TMOD3: variants seen among roughly 807,000 people sequenced by gnomAD.
TMOD3 encodes tropomodulin-3.
In TMOD3, 20 loss-of-function variants were observed where a neutral mutation model predicts 39.2. That is an observed-to-expected ratio of 0.51 (90% CI 0.36 to 0.74). TMOD3 has a LOEUF of 0.74. Among genes scored for constraint, TMOD3 ranks in the 30% least tolerant of loss-of-function variants. The pLI, the probability that TMOD3 is intolerant of heterozygous loss-of-function variation, is 0.00. For missense variants in TMOD3, 381 were observed against 412.8 expected, an observed-to-expected ratio of 0.92 and a Z score of 0.67; for synonymous variants, 143 against 145.8, an observed-to-expected ratio of 0.98 and a Z score of 0.14.
rs536475788 is a variant in TMOD3, at chr15:51,841,397, T to G, written c.-75+11561T>G. On this transcript the variant is annotated intron_variant, in intron 1 of 9. Coordinates refer to ENST00000308580, the MANE Select transcript of TMOD3 (RefSeq NM_014547.5). ...GATATATTATCCTGAACTCCTGTTTTGGGTCCTTCTAAGCTCTCAGCAACC... is the reference window on the plus strand; with the variant it reads ...GATATATTATCCTGAACTCCTGTTTGGGGTCCTTCTAAGCTCTCAGCAACC... Among the ~76,000 whole-genome samples the G allele has an allele frequency of 3.3e-5, 5 of 152,342 alleles. No homozygotes were observed. In the East Asian group the frequency reaches 9.6e-4, roughly 29 times the overall value.
chr15:51,844,216 C>T (rs913037421), intron 1 of TMOD3, among the ~76,000 whole-genome samples: 1 of 152,152 alleles, frequency 6.6e-6, no homozygotes, highest in African/African-American at 2.4e-5. Flanking sequence ...TCTTGTGGAT[C>T]CTTCCAGAGT....
chr15:51,840,241 C>T (rs1029379315), intron 1 of TMOD3, among the ~76,000 whole-genome samples: 1 of 152,162 alleles, frequency 6.6e-6, no homozygotes, highest in African/African-American at 2.4e-5. Context: ...TCTCACTCTT[C>T]TGTATTCTCT....
chr15:51,832,734 G>A (rs1285205124), intron 1 of TMOD3, among the ~76,000 whole-genome samples: 14 of 152,034 alleles, frequency 9.2e-5, no homozygotes, highest in Admixed American at 7.2e-4. Flanking sequence ...GAGGCTTTGC[G>A]GATAAAAGTA....
intron 1 of TMOD3, chr15:51,859,682 A>G (rs867925065): frequency 6.2e-6 from 3 of 485,622 alleles, no homozygotes; most frequent in African/African-American, 4.0e-5. Context: ...CTGGAGTTTC[A>G]GGTGCACAGA....
chr15:51,885,295 T>C (rs1352760475), intron 3 of TMOD3, among the ~76,000 whole-genome samples: 2 of 150,806 alleles, frequency 1.3e-5, no homozygotes, highest in Admixed American at 1.3e-4. Context: ...TTTTTTTTTT[T>C]TTTTTTTAGT....
chr15:51,833,350 G>A (rs1346979643), intron 1 of TMOD3: 1 of 152,198 alleles, frequency 6.6e-6, no homozygotes, highest in Admixed American at 6.5e-5. Flanking sequence ...TTGTTAGTCT[G>A]TATCTTGAAG....
chr15:51,872,551 C>T (rs2929423), intron 3 of TMOD3, among the ~76,000 whole-genome samples: 53,838 of 150,256 alleles, frequency 0.36, 10,148 homozygotes, highest in Middle Eastern at 0.42. Context: ...ACATACATTC[C>T]GGGCATCTGG....
At chr15:51,892,181 G>A (rs748419806) in intron 5 of TMOD3, among the ~76,000 whole-genome samples, 2 of 152,142 alleles carry the variant, frequency 1.3e-5, no homozygotes, top group African/African-American at 4.8e-5. Flanking sequence ...CTAGAGGAAG[G>A]CAGGAAGGAA....
chr15:51,895,125 G>T (rs1201083296), intron 6 of TMOD3, among the ~76,000 whole-genome samples: 1 of 152,074 alleles, frequency 6.6e-6, no homozygotes, highest in Non-Finnish European at 1.5e-5. Context: ...CCTAGGGAAG[G>T]AAGCTTCTGT....
intron 8 of TMOD3, 55 bp downstream of exon 8, chr15:51,900,353 G>C: frequency 6.3e-7 from 1 of 1,588,722 alleles, no homozygotes; most frequent in Non-Finnish European, 8.6e-7. Flanking sequence ...CTGCTGTGTA[G>C]GGCTTGGCGA....
rs1205716804 is a variant in TMOD3 at position 51,887,703 on chromosome 15, A to T, written c.398A>T (p.Asp133Val). 1 of 1,613,390 alleles carries T rather than the reference A, an allele frequency of 6.2e-7. No individual in the cohort carries two copies. The highest frequency in any genetic ancestry group is 8.5e-7 in the Non-Finnish European group (1 of 1,179,860). Residue 133 changes from aspartate to valine, a missense_variant, in exon 4 of 10, where the codon GAC (aspartate) becomes GTC (valine). By Grantham distance (152) the Asp-to-Val change is radical. Coordinates refer to ENST00000308580, the MANE Select transcript of TMOD3 (RefSeq NM_014547.5). ...LTSASDTELC[D>V]LAAILGMHNL... ...AGTGCTTCTGATACAGAATTGTGTG[A>T]CCTCGCAGGTATCACCTAAAACAAG...
intron 3 of TMOD3, among the ~76,000 whole-genome samples, chr15:51,885,876 C>T (rs934054596): frequency 6.7e-5 from 10 of 149,028 alleles, no homozygotes; most frequent in African/African-American, 1.8e-4. Context: ...CGGGCAGAGG[C>T]GCCCCCCACC....
intron 5 of TMOD3, among the ~76,000 whole-genome samples, chr15:51,889,379 A>C (rs2056581099): frequency 1.3e-5 from 2 of 152,128 alleles, no homozygotes; most frequent in South Asian, 4.1e-4. Flanking sequence ...AATAATGCTA[A>C]ACAGTATAAA....
In TMOD3 at chr15:51,909,695, A is replaced by G. The variant is rs2056700421; in HGVS notation, c.*885A>G. On this transcript the variant is annotated 3_prime_UTR_variant, in exon 10 of 10. Transcript: ENST00000308580. ...TGAAATCAAAGATAATAAATATGAT[A>G]GATTTCCAGTATGAGGCACTTGCAA... The G allele has an allele frequency of 6.6e-6, 1 of 152,210 alleles. No individual in the cohort carries two copies. Among genetic ancestry groups the G allele is most frequent in the African/African-American group, 2.4e-5 (1 of 41,462 alleles). The allele number at this position is 152,210 out of a possible 1,614,324, so 9.4% of individuals were successfully genotyped here. A position where few individuals can be genotyped will look rare whatever the true frequency, so the allele number is the denominator to read the frequency against.
intron 8 of TMOD3, among the ~76,000 whole-genome samples, chr15:51,900,759 A>T (rs2056646027): frequency 6.6e-6 from 1 of 152,222 alleles, no homozygotes; most frequent in Admixed American, 6.5e-5. Context: ...TTCAAAGTAA[A>T]TACATTTTGT....
intron 1 of TMOD3, among the ~76,000 whole-genome samples, chr15:51,861,833 A>G (rs1353162144): frequency 1.3e-5 from 2 of 151,588 alleles, no homozygotes; most frequent in African/African-American, 4.9e-5. Flanking sequence ...GATGTTTTGT[A>G]TTTTTCACCA....
intron 7 of TMOD3, among the ~76,000 whole-genome samples, chr15:51,897,834 C>T (rs1175272546): frequency 2.0e-5 from 3 of 150,022 alleles, no homozygotes; most frequent in Non-Finnish European, 4.4e-5. Flanking sequence ...ACATCCCTTT[C>T]TTGCAACTTA....
intron 1 of TMOD3, among the ~76,000 whole-genome samples, chr15:51,841,072 T>A (rs1037083956): frequency 6.6e-6 from 1 of 152,206 alleles, no homozygotes; most frequent in Non-Finnish European, 1.5e-5. Flanking sequence ...TTGAGCAGGC[T>A]CTTAGCCTTT....
chr15:51,884,656 A>G (rs1595905068), intron 3 of TMOD3: 2 of 152,354 alleles, frequency 1.3e-5, no homozygotes, highest in South Asian at 2.1e-4. Flanking sequence ...AGCCTTAAAA[A>G]AAAAAAAGTT....
Sources: gnomAD v4.1 joint callset for allele counts (sites outside exome capture counted in the v4.1 genomes callset) on GRCh38, gnomAD v4.1.1 for gene constraint, MANE v1.5 for transcripts, NCBI Gene and HGNC (gene_info 2026-07-23, HGNC 2026-07-21) for gene names.